MSH4: variants seen among roughly 807,000 people sequenced by gnomAD.
MSH4 encodes mutS homolog 4, also known as mutS protein homolog 4.
In MSH4, 106 loss-of-function variants were observed where a neutral mutation model predicts 113.7. That is an observed-to-expected ratio of 0.93 (90% CI 0.80 to 1.10). The LOEUF (loss-of-function observed/expected upper bound fraction) is 1.10, where lower values mean the gene tolerates loss of function less well. Among genes scored for constraint, MSH4 ranks in the 50% least tolerant of loss-of-function variants. The pLI, the probability that MSH4 is intolerant of heterozygous loss-of-function variation, is 0.00. For synonymous variants in MSH4, 368 were observed against 380.2 expected (o/e 0.97, Z 0.37); for missense variants, 1,061 against 1,093.7 (o/e 0.97, Z 0.42).
Position 75,867,602 on chromosome 1 carries a change from G to C in MSH4, c.1305+14G>C. 1 of 1,492,518 alleles carries C rather than the reference G, an allele frequency of 6.7e-7. No individual in the cohort carries two copies. Among genetic ancestry groups the C allele is most frequent in the Non-Finnish European group, 9.2e-7 (1 of 1,090,024 alleles). 92.5% of individuals were successfully genotyped at this position (1,492,518 alleles called of 1,614,324 possible). Reference sequence around the variant, plus strand: ...GATCCTTTAAAGGTAATTTATGTGTGTGTATCGTACAAAACATGTCCAGCA... The same window carrying C: ...GATCCTTTAAAGGTAATTTATGTGTCTGTATCGTACAAAACATGTCCAGCA... On this transcript the variant is annotated intron_variant, in intron 9 of 19. Transcript: ENST00000263187.
intron 7 of MSH4, among the ~76,000 whole-genome samples, chr1:75,825,523 G>A (rs1044116223): frequency 6.6e-6 from 1 of 152,132 alleles, no homozygotes; most frequent in Non-Finnish European, 1.5e-5. Context: ...GGTGAGAAAG[G>A]ACATCCTTGT....
At chr1:75,898,863 A>G (rs530792482) in intron 18 of MSH4, among the ~76,000 whole-genome samples, 1 of 152,306 alleles carries the variant, frequency 6.6e-6, no homozygotes, top group East Asian at 1.9e-4. Context: ...CAACTGGATT[A>G]CTTATTTATA....
intron 7 of MSH4, among the ~76,000 whole-genome samples, chr1:75,829,208 G>C (rs555251351): frequency 2.0e-5 from 3 of 152,164 alleles, no homozygotes; most frequent in Non-Finnish European, 4.4e-5. Flanking sequence ...GTCTGAGATC[G>C]AACTGCAAGG....
At chr1:75,859,099 C>A (rs1485921835) in intron 8 of MSH4, among the ~76,000 whole-genome samples, 1 of 152,100 alleles carries the variant, frequency 6.6e-6, no homozygotes, top group Non-Finnish European at 1.5e-5. Flanking sequence ...TCTGTGGGAT[C>A]GATGGTGATA....
At chr1:75,895,756 G>A (rs5745527) in intron 17 of MSH4, among the ~76,000 whole-genome samples, 2,049 of 152,202 alleles carry the variant, frequency 0.013, 36 homozygotes, top group Middle Eastern at 0.031. Context: ...ACTCAGTGAC[G>A]TTACCTCCTT....
At chr1:75,886,602 T>TAA (rs1652122956) in intron 15 of MSH4, among the ~76,000 whole-genome samples, 1 of 122,118 alleles carries the variant, frequency 8.2e-6, no homozygotes, top group Non-Finnish European at 1.6e-5. Flanking sequence ...GTATTATATA[T>TAA]TATATAATGT....
At chr1:75,848,644 G>A (rs1044928933) in intron 8 of MSH4, among the ~76,000 whole-genome samples, 4 of 152,054 alleles carry the variant, frequency 2.6e-5, no homozygotes, top group Non-Finnish European at 5.9e-5. Flanking sequence ...AGGCTGAGGT[G>A]GGAGGATAAC....
At chr1:75,836,504 G>C (rs970053036) in intron 7 of MSH4, among the ~76,000 whole-genome samples, 1 of 151,912 alleles carries the variant, frequency 6.6e-6, no homozygotes, top group Non-Finnish European at 1.5e-5. Context: ...TCACTATGTT[G>C]CCCAGGCTTG....
At chr1:75,846,277 A>C (rs1191339072) in intron 7 of MSH4, among the ~76,000 whole-genome samples, 3 of 152,128 alleles carry the variant, frequency 2.0e-5, no homozygotes, top group Non-Finnish European at 4.4e-5. Context: ...ACTTGACCAC[A>C]CCCTTAGTAT....
At chr1:75,907,708 A>ATATATATATATATATATATG (rs1185017928) in intron 19 of MSH4, among the ~76,000 whole-genome samples, 2 of 132,576 alleles carry the variant, frequency 1.5e-5, no homozygotes, top group Non-Finnish European at 3.2e-5. Context: ...ATATATATAT[A>ATATATATATATATATATATG]TATATATATA....
chr1:75,836,301 TC>T (rs1557503057), intron 7 of MSH4, among the ~76,000 whole-genome samples: 1 of 26,984 alleles, frequency 3.7e-5, no homozygotes, highest in Non-Finnish European at 9.7e-5. Flanking sequence ...TCTTTCTTTT[TC>T]TTTTTTTTTT....
chr1:75,890,087 A>C (rs1652216499), intron 16 of MSH4, among the ~76,000 whole-genome samples: 1 of 152,070 alleles, frequency 6.6e-6, no homozygotes, highest in African/African-American at 2.4e-5. Context: ...AATGTCCATC[A>C]AAGTTACTAT....
chr1:75,877,876 A>C lies in MSH4; in HGVS notation c.1371-273A>C, dbSNP rs569855299. Among the ~76,000 whole-genome samples the C allele has an allele frequency of 1.6e-4, 24 of 152,340 alleles. No individual in the cohort carries two copies. In the South Asian group the frequency reaches 5.0e-3, roughly 32 times the overall value. ...AGATGTATTTTGTACCCACAGGCAC[A>C]TCAGTATATGTAATTTGTGAGCTCT... On this transcript the variant is annotated intron_variant, in intron 10 of 19. Coordinates refer to ENST00000263187, the MANE Select transcript of MSH4 (RefSeq NM_002440.4).
intron 7 of MSH4, among the ~76,000 whole-genome samples, chr1:75,835,119 C>A (rs1032801175): frequency 6.6e-6 from 1 of 152,142 alleles, no homozygotes; most frequent in African/African-American, 2.4e-5. Context: ...TGCCTGACTA[C>A]CCTAGCTTGT....
At chr1:75,907,675 T>TCTCG (rs1181294818) in intron 19 of MSH4, among the ~76,000 whole-genome samples, 2 of 95,094 alleles carry the variant, frequency 2.1e-5, no homozygotes, top group African/African-American at 8.2e-5. Flanking sequence ...TCTCTCTCTC[T>TCTCG]CTCTCTCTCT....
chr1:75,867,540 A>G lies in MSH4; in HGVS notation c.1257A>G (p.Thr419=), dbSNP rs549587664. 2 of 1,598,348 alleles carry G rather than the reference A, an allele frequency of 1.3e-6. No homozygotes were observed. ...TCAATGCTGCTGAATCAAAGATAACAAATTTAATATACTTAAAACATACCT... is the reference window on the plus strand; with the variant it reads ...TCAATGCTGCTGAATCAAAGATAACGAATTTAATATACTTAAAACATACCT... The part of the protein sequence containing the change: ...DTVNAAESKI[T]NLIYLKHTLE... The change falls in exon 9 of 20, where the codon ACA becomes ACG. Residue 419 remains threonine (T), a synonymous_variant. Transcript: ENST00000263187.
intron 9 of MSH4, among the ~76,000 whole-genome samples, chr1:75,873,079 TG>T (rs754259157): frequency 3.9e-5 from 6 of 152,244 alleles, no homozygotes; most frequent in Non-Finnish European, 7.3e-5. Context: ...GTGTCTTTGC[TG>T]TTTTCAAGGA....
At chr1:75,826,368 A>C (rs1458693052) in intron 7 of MSH4, among the ~76,000 whole-genome samples, 1 of 151,898 alleles carries the variant, frequency 6.6e-6, no homozygotes, top group Non-Finnish European at 1.5e-5. Flanking sequence ...CTTCTTTATT[A>C]GTCTGCATAG....
chr1:75,894,120 A>G (rs1196939648), intron 17 of MSH4, among the ~76,000 whole-genome samples: 2 of 152,166 alleles, frequency 1.3e-5, no homozygotes, highest in Non-Finnish European at 2.9e-5. Context: ...TCACTCTTCT[A>G]TATAGGACAG....
Sources: gnomAD v4.1 joint callset for allele counts (sites outside exome capture counted in the v4.1 genomes callset) on GRCh38, gnomAD v4.1.1 for gene constraint, MANE v1.5 for transcripts, NCBI Gene and HGNC (gene_info 2026-07-23, HGNC 2026-07-21) for gene names.